Variants in ARHGEF12 observed in about 807,000 individuals in gnomAD.
ARHGEF12 encodes the protein Rho guanine nucleotide exchange factor 12.
ARHGEF12 carries 66 observed loss-of-function variants against 211.2 expected under a neutral mutation model. The ratio of observed to expected loss-of-function variants is 0.31; its 90% CI spans 0.26 to 0.38. ARHGEF12 has a LOEUF of 0.38. Among genes scored for constraint, ARHGEF12 ranks in the 10% least tolerant of loss-of-function variants. The probability of loss-of-function intolerance (pLI) is 1.00; values close to 1 mark genes in which losing one functional copy is unlikely to be tolerated. For synonymous variants in ARHGEF12, 592 were observed against 638.4 expected (o/e 0.93, Z 1.09); for missense variants, 1,429 against 1,869.5 (o/e 0.76, Z 4.34).
chr11:120,482,461 C>A (rs1947274653), intron 39 of ARHGEF12, among the ~76,000 whole-genome samples: 1 of 151,988 alleles, frequency 6.6e-6, no homozygotes, highest in Non-Finnish European at 1.5e-5. Flanking sequence ...AGTTTTCCAT[C>A]AGAGGCAGGG....
chr11:120,393,933 A>G (rs1038542911), intron 1 of ARHGEF12, among the ~76,000 whole-genome samples: 1 of 152,094 alleles, frequency 6.6e-6, no homozygotes, highest in African/African-American at 2.4e-5. Context: ...TGTGAAGTAA[A>G]TTTCAATAAA....
intron 4 of ARHGEF12, among the ~76,000 whole-genome samples, chr11:120,413,887 T>A (rs536411575): frequency 1.3e-5 from 2 of 152,372 alleles, no homozygotes; most frequent in East Asian, 3.9e-4. Flanking sequence ...ATGGAAGATT[T>A]AACAGGTTAT....
At chr11:120,414,757 A>C (rs1252248809) in intron 4 of ARHGEF12, among the ~76,000 whole-genome samples, 2 of 152,114 alleles carry the variant, frequency 1.3e-5, no homozygotes, top group East Asian at 3.9e-4. Context: ...CGTGTTTATT[A>C]TTACTGTTAT....
At chr11:120,428,663 C>A (rs1433060841) in intron 8 of ARHGEF12, among the ~76,000 whole-genome samples, 3 of 151,858 alleles carry the variant, frequency 2.0e-5, no homozygotes, top group African/African-American at 7.3e-5. Flanking sequence ...ATACAAGTAA[C>A]TATAATACAA....
chr11:120,457,707 T>C lies in ARHGEF12; in HGVS notation c.2190-14T>C, dbSNP rs200036299. On this transcript the variant is annotated splice_polypyrimidine_tract_variant and intron_variant, in intron 23 of 40. Coordinates refer to ENST00000397843, the MANE Select transcript of ARHGEF12 (RefSeq NM_015313.3). ...TTTTGTTTTCATGTTACTCTTTACT[T>C]TCCATTGTTTTAGGGTGACTGAACA... The C allele has an allele frequency of 2.6e-5, 42 of 1,589,766 alleles. No homozygotes were observed. The Middle Eastern group carries it at 1.0e-3, about 39-fold the overall frequency.
chr11:120,342,329 C>G (rs888386016), intron 1 of ARHGEF12, among the ~76,000 whole-genome samples: 2 of 152,108 alleles, frequency 1.3e-5, no homozygotes, highest in African/African-American at 4.8e-5. Flanking sequence ...TCTGATAGAT[C>G]TTGCTGTCAG....
intron 20 of ARHGEF12, chr11:120,448,687 G>C (rs776462931): frequency 2.0e-5 from 6 of 304,166 alleles, no homozygotes; most frequent in Non-Finnish European, 3.6e-5. Context: ...TGGCAGTAGA[G>C]TATTCTGTCA....
chr11:120,414,100 G>GA (rs760983335), intron 4 of ARHGEF12, among the ~76,000 whole-genome samples: 3 of 151,942 alleles, frequency 2.0e-5, no homozygotes, highest in East Asian at 3.9e-4. Context: ...TGTAATAACA[G>GA]AAAAAATATG....
Position 120,431,887 on chromosome 11 carries a change from T to G in ARHGEF12, c.900T>G (p.Ser300=). 1.2e-6 allele frequency: 2 copies of G among 1,610,768 alleles called. No homozygotes were observed. The highest frequency in any genetic ancestry group is 1.7e-6 in the Non-Finnish European group (2 of 1,178,964). The change falls in exon 11 of 41, where the codon TCT becomes TCG. Residue 300 remains serine, a synonymous_variant. Transcript: ENST00000397843. ...GRTDCSSGDA[S]RPSSDNADSP... The stretch of plus-strand genomic sequence containing the variant: ...CTGACTGTAGCAGTGGAGATGCTTC[T>G]CGGCCCAGTAGTGACAATGCAGATG...
rs1213350047 is a variant in ARHGEF12, at chr11:120,485,216, C to G, written c.*139C>G. The G allele has an allele frequency of 4.8e-6, 5 of 1,040,760 alleles. No individual in the cohort carries two copies. Among genetic ancestry groups the G allele is most frequent in the Non-Finnish European group, 7.2e-6 (5 of 692,834 alleles). The allele number at this position is 1,040,760 out of a possible 1,614,324, so 64.5% of individuals were successfully genotyped here. On this transcript the variant is annotated 3_prime_UTR_variant, in exon 41 of 41. Coordinates refer to ENST00000397843, the MANE Select transcript of ARHGEF12 (RefSeq NM_015313.3). ...TGAACCACCTGGGATTAGTCAAGTC[C>G]CAAGGTGCCCAGAGTGGGACTAGTT...
In ARHGEF12 at chr11:120,459,279, G is replaced by A. The variant is rs374560228; in HGVS notation, c.2486G>A (p.Arg829Gln). 1.3e-5 allele frequency: 21 copies of A among 1,613,154 alleles called. No individual in the cohort carries two copies. The highest frequency in any genetic ancestry group is 1.6e-5 in the Non-Finnish European group (19 of 1,179,606). The change falls in exon 26 of 41, where the codon CGG (arginine) becomes CAG (glutamine). Residue 829 changes from arginine to glutamine, a missense_variant. This residue lies in a region of ARHGEF12 where 223 missense variants were observed against 444.6 expected (regional missense o/e 0.50). Transcript: ENST00000397843. ...REGILSPSEL[R>Q]KIFSNLEDIL... is the part of the protein sequence containing the mutation. ...GGAATTCTGTCACCCTCAGAGCTAC[G>A]GAAAATTTTTTCAAACTTGGAAGAT... is the stretch of plus-strand genomic sequence containing the variant.
chr11:120,371,120 A>G (rs1943577047), intron 1 of ARHGEF12, among the ~76,000 whole-genome samples: 1 of 152,204 alleles, frequency 6.6e-6, no homozygotes, highest in African/African-American at 2.4e-5. Context: ...TTAAAAATTC[A>G]GTGCTAAAAA....
At chr11:120,476,819 T>G (rs970829102) in intron 34 of ARHGEF12, 71 bp downstream of exon 34, 2 of 1,254,196 alleles carry the variant, frequency 1.6e-6, no homozygotes, top group African/African-American at 1.5e-5. Flanking sequence ...TTCCATAAAC[T>G]TAACTTTGTT....
Position 120,347,149 on chromosome 11 carries a change from TTCCTTCCTTCCTTCCTTC to T in ARHGEF12, c.32+9875_32+9892del, listed in dbSNP as rs1565416897. Among the ~76,000 whole-genome samples the T allele has an allele frequency of 2.7e-3, 129 of 47,044 alleles. 1 individual carries two copies. The highest frequency in any genetic ancestry group is 3.1e-3 in the Non-Finnish European group (89 of 28,688). 30.9% of individuals were successfully genotyped at this position (47,044 alleles called of 152,430 possible). On this transcript the variant is annotated intron_variant, in intron 1 of 40. Transcript: ENST00000397843. ...TTTCTTTCTTTCCTTCCTTCCTTCC[TTCCTTCCTTCCTTCCTTC>T]CTTCCTTCCTTCCTTCCTTTCTTTC...
At chr11:120,374,147 T>A (rs1943663584) in intron 1 of ARHGEF12, among the ~76,000 whole-genome samples, 1 of 152,206 alleles carries the variant, frequency 6.6e-6, no homozygotes, top group Non-Finnish European at 1.5e-5. Context: ...TAAATGTCTT[T>A]CCATCTAGTG....
intron 27 of ARHGEF12, chr11:120,465,009 AAAG>A: frequency 1.9e-6 from 1 of 539,108 alleles, no homozygotes; most frequent in Non-Finnish European, 3.1e-6. Context: ...GTCTCAAAAA[AAAG>A]AAAAAAAAAA....
intron 1 of ARHGEF12, among the ~76,000 whole-genome samples, chr11:120,400,803 C>G (rs1330193320): frequency 1.3e-5 from 2 of 152,178 alleles, no homozygotes; most frequent in Non-Finnish European, 2.9e-5. Flanking sequence ...AACCAAGGGG[C>G]TGTTGTGCAT....
Position 120,448,238 on chromosome 11 carries a change from A to G in ARHGEF12, c.1627A>G (p.Thr543Ala). The change falls in exon 20 of 41, where the codon ACC (threonine) becomes GCC (alanine). Residue 543 changes from threonine to alanine, a missense_variant. This residue lies in a region of ARHGEF12 where 373 missense variants were observed against 467.5 expected (regional missense o/e 0.80). Coordinates refer to ENST00000397843, the MANE Select transcript of ARHGEF12 (RefSeq NM_015313.3). ...ACTTCGTCCTTTCTCCTCCAGCTCC[A>G]CCATGCAGTATGTTATTCTCATGTA... ...AQAVEEDKSSTMQYVILMYMK... is the reference protein window; with the variant it reads ...AQAVEEDKSSAMQYVILMYMK... The G allele has an allele frequency of 6.2e-7, 1 of 1,611,408 alleles. No homozygotes were observed. Among genetic ancestry groups the G allele is most frequent in the African/African-American group, 1.3e-5 (1 of 74,940 alleles).
At chr11:120,351,854 C>T (rs561566797) in intron 1 of ARHGEF12, among the ~76,000 whole-genome samples, 1 of 152,204 alleles carries the variant, frequency 6.6e-6, no homozygotes, top group South Asian at 2.1e-4. Flanking sequence ...AACCTTTCAA[C>T]TAAGCTAAAT....
Sources: gnomAD v4.1 joint callset for allele counts (sites outside exome capture counted in the v4.1 genomes callset) on GRCh38, gnomAD v4.1.1 for gene constraint, gnomAD v4.1.1 regional missense constraint, MANE v1.5 for transcripts, NCBI Gene and HGNC (gene_info 2026-07-23, HGNC 2026-07-21) for gene names.